The following VWCE variants were observed in gnomAD, a reference collection of about 807,000 sequenced individuals.
VWCE encodes the protein von Willebrand factor C and EGF domain-containing protein.
VWCE carries 68 observed loss-of-function variants against 102.9 expected under a neutral mutation model. The observed-to-expected ratio is 0.66, with a 90% CI of 0.54 to 0.81. The LOEUF is 0.81. Among genes scored for constraint, VWCE ranks in the 30% least tolerant of loss-of-function variants. VWCE has a pLI of 0.00. For missense variants in VWCE, 1,137 were observed against 1,263.6 expected, an observed-to-expected ratio of 0.90 and a Z score of 1.52; for synonymous variants, 497 against 515.4, an observed-to-expected ratio of 0.96 and a Z score of 0.48.
intron 9 of VWCE, among the ~76,000 whole-genome samples, chr11:61,279,020 C>T (rs988384479): frequency 1.3e-5 from 2 of 151,120 alleles, no homozygotes; most frequent in Non-Finnish European, 2.9e-5. Context: ...GCCTGGGTGA[C>T]AAAGCAACAC....
At chr11:61,268,051 G>T (rs1213611364) in intron 15 of VWCE, among the ~76,000 whole-genome samples, 1 of 151,726 alleles carries the variant, frequency 6.6e-6, no homozygotes, top group Non-Finnish European at 1.5e-5. Context: ...AAAAGCAGGT[G>T]ATGAGACAGT....
At chr11:61,270,034 C>G (rs557313081) in intron 14 of VWCE, among the ~76,000 whole-genome samples, 65 of 151,886 alleles carry the variant, frequency 4.3e-4, no homozygotes, top group Non-Finnish European at 8.7e-4. Context: ...TCTCCTGCCT[C>G]AGCCTCCCGA....
At position 61,294,020 on chromosome 11, in the gene VWCE, AGGCAGTGCCACCAAGGC is replaced by A. The variant is rs1855595733; in HGVS notation, c.110+891_110+907del. Among the ~76,000 whole-genome samples the A allele has an allele frequency of 6.6e-6, 1 of 152,178 alleles. No individual in the cohort carries two copies. Among genetic ancestry groups the A allele is most frequent in the Admixed American group, 6.5e-5 (1 of 15,276 alleles). On this transcript the variant is annotated intron_variant, in intron 1 of 19. Transcript: ENST00000335613. The surrounding 1 kb of genome is among the most constrained non-coding windows in gnomAD (Gnocchi z 6.3). ...AGCCTTGGGACTCTCAGAAACGGAC[AGGCAGTGCCACCAAGGC>A]GGCAGATAAAAGGGTGCCCAGGGAG...
chr11:61,265,443 C>T (rs1021534505), intron 16 of VWCE, among the ~76,000 whole-genome samples: 11 of 152,268 alleles, frequency 7.2e-5, no homozygotes, highest in African/African-American at 2.6e-4. Flanking sequence ...CGGAGGGCAT[C>T]TGTTAACGGG....
intron 4 of VWCE, among the ~76,000 whole-genome samples, chr11:61,288,635 C>T (rs759606009): frequency 2.0e-5 from 3 of 152,202 alleles, no homozygotes; most frequent in Non-Finnish European, 2.9e-5. Context: ...TTCCGTTTGC[C>T]TCTGCAATGA....
chr11:61,265,500 T>C (rs1307775853), intron 16 of VWCE, among the ~76,000 whole-genome samples: 2 of 152,200 alleles, frequency 1.3e-5, no homozygotes, highest in East Asian at 1.9e-4. Flanking sequence ...CAAAACCCGA[T>C]AGAGAAAGAT....
At position 61,259,149 on chromosome 11, in the gene VWCE, G is replaced by C. The variant is rs780961556; in HGVS notation, c.2394C>G (p.Leu798=). The part of the protein sequence containing the change: ...TASPSRPVLH[L]LQLLLRTNLM... ...AGTTCGTTCTTAAAAGGAGCTGGAG[G>C]AGATGAAGCACCGGCCTCGAGGGTG... The change falls in exon 20 of 20, where the codon CTC becomes CTG. Residue 798 remains leucine, a synonymous_variant. Coordinates refer to ENST00000335613, the MANE Select transcript of VWCE (RefSeq NM_152718.2). The C allele has an allele frequency of 2.4e-5, 38 of 1,614,072 alleles. No homozygotes were observed. The highest frequency in any genetic ancestry group is 1.6e-4 in the Middle Eastern group (1 of 6,082).
intron 9 of VWCE, 128 bp downstream of exon 9, chr11:61,280,496 A>G (rs1855085366): frequency 1.1e-6 from 1 of 898,160 alleles, no homozygotes; most frequent in South Asian, 1.7e-5. Flanking sequence ...CGCCAAGGGA[A>G]GTGTGGCTTA....
intron 14 of VWCE, 169 bp downstream of exon 14, chr11:61,271,506 G>T: frequency 3.3e-6 from 2 of 604,072 alleles, no homozygotes; most frequent in Non-Finnish European, 6.0e-6. Context: ...TCTACTGAGA[G>T]CAGGATAAAC....
chr11:61,292,239 AGAG>A (rs1439597088), intron 1 of VWCE, among the ~76,000 whole-genome samples: 5 of 133,982 alleles, frequency 3.7e-5, no homozygotes, highest in African/African-American at 1.5e-4. Context: ...AAAAAAAAAA[AGAG>A]AGAGAGAAAG....
chr11:61,278,316 C>G, intron 10 of VWCE, 78 bp downstream of exon 10: 1 of 1,480,526 alleles, frequency 6.8e-7, no homozygotes, highest in Non-Finnish European at 9.4e-7. Flanking sequence ...CTTTAACATC[C>G]GGTCTTTTCC....
chr11:61,271,519 G>A (rs1351527814), intron 14 of VWCE, 156 bp downstream of exon 14: 2 of 654,266 alleles, frequency 3.1e-6, no homozygotes, highest in East Asian at 2.9e-5. Flanking sequence ...GGATAAACTC[G>A]GTCCAACCCT....
intron 19 of VWCE, 21 bp from the exon 20 acceptor site, chr11:61,259,333 C>T (rs1372805082): frequency 9.7e-6 from 15 of 1,548,904 alleles, no homozygotes; most frequent in Admixed American, 1.9e-5. Context: ...GAGGGTGAAA[C>T]GAGATGCACA....
Position 61,291,309 on chromosome 11 carries a change from T to G in VWCE, c.250A>C (p.Asn84His). The change falls in exon 3 of 20, where the codon AAT becomes CAT. Residue 84 changes from asparagine (N) to histidine (H), a missense_variant. By Grantham distance (68) the Asn-to-His change is moderately conservative. Coordinates refer to ENST00000335613, the MANE Select transcript of VWCE (RefSeq NM_152718.2). ...GCGSGICIAP[N>H]VCSCQDGEQG... ...TCTCCATCCTGGCAGGAGCAGACAT[T>G]GGGAGCGATGCAGATGCCACTCCCA... The G allele has an allele frequency of 6.2e-7, 1 of 1,610,918 alleles. No individual in the cohort carries two copies. The highest frequency in any genetic ancestry group is 8.5e-7 in the Non-Finnish European group (1 of 1,178,296).
chr11:61,291,205 G>A, intron 3 of VWCE, 59 bp downstream of exon 3: 1 of 1,466,936 alleles, frequency 6.8e-7, no homozygotes, highest in Non-Finnish European at 9.1e-7. Context: ...CCACTGCCCA[G>A]GACATAACCT....
At chr11:61,268,825 TG>T (rs1565218773) in intron 15 of VWCE, 96 bp downstream of exon 15, 4 of 1,252,620 alleles carry the variant, frequency 3.2e-6, no homozygotes, top group Non-Finnish European at 4.6e-6. Flanking sequence ...CCCTTGGGGT[TG>T]TTAGGACGAC....
rs370137858 is a variant in VWCE, at chr11:61,293,513, G to T, written c.110+1415C>A. Among the ~76,000 whole-genome samples, 3 of 152,050 alleles carry T rather than the reference G, an allele frequency of 2.0e-5. No individual in the cohort carries two copies. The East Asian group carries it at 5.8e-4, about 29-fold the overall frequency. The stretch of plus-strand genomic sequence containing the variant: ...ACAGCACAACTGCAGGCCTGGAGGG[G>T]GACAGAGAGGACAACTGCAACCAGC... On this transcript the variant is annotated intron_variant, in intron 1 of 19. Transcript: ENST00000335613.
At chr11:61,289,413 C>T (rs1855429838) in intron 4 of VWCE, among the ~76,000 whole-genome samples, 1 of 151,686 alleles carries the variant, frequency 6.6e-6, no homozygotes, top group Non-Finnish European at 1.5e-5. Context: ...ACTACACCAG[C>T]TAGTTTTTGT....
chr11:61,258,561 T>C lies in VWCE; in HGVS notation c.*114A>G. On this transcript the variant is annotated 3_prime_UTR_variant, in exon 20 of 20. Coordinates refer to ENST00000335613, the MANE Select transcript of VWCE (RefSeq NM_152718.2). The stretch of plus-strand genomic sequence containing the variant: ...GGTCTTCCATCCTCACCAGGGCCCC[T>C]GCAGGAGGGAGCCCAGGCATCCCCA... The C allele has an allele frequency of 9.0e-7, 1 of 1,112,264 alleles. No individual in the cohort carries two copies. The highest frequency in any genetic ancestry group is 1.2e-6 in the Non-Finnish European group (1 of 862,056). The allele number at this position is 1,112,264 out of a possible 1,614,324, so 68.9% of individuals were successfully genotyped here.
Sources: allele counts gnomAD v4.1 joint callset (sites outside exome capture counted in the v4.1 genomes callset), GRCh38; gene constraint gnomAD v4.1.1; non-coding constraint Gnocchi (gnomAD v3.1); transcripts MANE v1.5; gene names NCBI Gene and HGNC (gene_info 2026-07-23, HGNC 2026-07-21).